Variants in STK3 observed in about 807,000 individuals in gnomAD.
The protein encoded by STK3 is serine/threonine-protein kinase 3.
A neutral mutation model predicts 58.0 loss-of-function variants in STK3; 41 were observed. That is an observed-to-expected ratio of 0.71 (90% confidence interval 0.55 to 0.92). The LOEUF is 0.92. Ranked by LOEUF, STK3 falls within the 40% of genes least tolerant of loss-of-function variation. The pLI, the probability that STK3 is intolerant of heterozygous loss-of-function variation, is 0.00. For missense variants in STK3, 479 were observed against 602.7 expected, an observed-to-expected ratio of 0.79 and a Z score of 2.15; for synonymous variants, 170 against 191.0, an observed-to-expected ratio of 0.89 and a Z score of 0.91.
At chr8:98,894,564 T>C (rs1485785453) in intron 1 of STK3, among the ~76,000 whole-genome samples, 1 of 152,226 alleles carries the variant, frequency 6.6e-6, no homozygotes, top group African/African-American at 2.4e-5. Context: ...ATTTATTGTT[T>C]TCTAGTATGC....
intron 6 of STK3, among the ~76,000 whole-genome samples, chr8:98,688,457 C>T (rs1210827974): frequency 6.6e-6 from 1 of 152,108 alleles, no homozygotes; most frequent in African/African-American, 2.4e-5. Flanking sequence ...TACCAAACAA[C>T]CACAGAATAT....
At chr8:98,614,869 C>A (rs1817543241) in intron 6 of STK3, among the ~76,000 whole-genome samples, 1 of 152,180 alleles carries the variant, frequency 6.6e-6, no homozygotes, top group Non-Finnish European at 1.5e-5. Flanking sequence ...TGCAAGGCGG[C>A]AGCTAGGCTG....
At chr8:98,646,508 G>A (rs1205142150) in intron 6 of STK3, among the ~76,000 whole-genome samples, 1 of 152,146 alleles carries the variant, frequency 6.6e-6, no homozygotes, top group African/African-American at 2.4e-5. Flanking sequence ...GTCTTCAGAT[G>A]TGACTTACTT....
chr8:98,614,797 T>C (rs1318227710), intron 6 of STK3, among the ~76,000 whole-genome samples: 2 of 152,002 alleles, frequency 1.3e-5, no homozygotes, highest in East Asian at 1.9e-4. Flanking sequence ...ACACCTGGCT[T>C]GGAGGGTCCT....
intron 10 of STK3, among the ~76,000 whole-genome samples, chr8:98,468,608 T>C (rs989763487): frequency 6.6e-6 from 1 of 152,230 alleles, no homozygotes; most frequent in Non-Finnish European, 1.5e-5. Context: ...ACAAATGCTA[T>C]GAATTTAAGG....
upstream of STK3, among the ~76,000 whole-genome samples, chr8:98,390,960 C>A (rs950286784): frequency 1.3e-5 from 2 of 152,132 alleles, no homozygotes; most frequent in African/African-American, 4.8e-5. Flanking sequence ...TTCACCCTTA[C>A]TTTTGGATTA....
chr8:98,699,968 G>A lies in STK3; in HGVS notation c.684+6499C>T, dbSNP rs1010473761. ...GTTTGTCTGTGCCCTGCCTCCAGAG[G>A]TGAAGCCTACAGAGGCAGGCAGGCC... On this transcript the variant is annotated intron_variant, in intron 6 of 10. Coordinates refer to ENST00000419617, the MANE Select transcript of STK3 (RefSeq NM_006281.4). Among the ~76,000 whole-genome samples, 3 of 152,348 alleles carry A rather than the reference G, an allele frequency of 2.0e-5. 1 individual carries two copies. The highest frequency in any genetic ancestry group is 2.0e-4 in the Admixed American group (3 of 15,300).
chr8:98,826,237 A>C (rs540688299), upstream of STK3, among the ~76,000 whole-genome samples: 1 of 152,274 alleles, frequency 6.6e-6, no homozygotes, highest in East Asian at 1.9e-4. Context: ...AATCCGTTTG[A>C]AGTATTACTT....
chr8:98,808,887 G>C (rs1834045021), intron 1 of STK3, among the ~76,000 whole-genome samples: 1 of 152,170 alleles, frequency 6.6e-6, no homozygotes, highest in African/African-American at 2.4e-5. Context: ...TCAATCATGT[G>C]ATTACATAGT....
rs1057087500 is a variant in STK3, at chr8:98,652,981, A to C, written c.684+53486T>G. ...TGAACTCAGCTCTGCACCAAGCGGA[A>C]CTAATAGACATCTACAGAACTCTCC... On this transcript the variant is annotated intron_variant, in intron 6 of 10. Transcript: ENST00000419617. Among the ~76,000 whole-genome samples, 41 of 152,140 alleles carry C rather than the reference A, an allele frequency of 2.7e-4. 1 individual carries two copies. The highest frequency in any genetic ancestry group is 7.4e-5 in the Non-Finnish European group (5 of 68,018).
At chr8:98,905,713 G>T in intron 1 of STK3, 1 of 620,042 alleles carries the variant, frequency 1.6e-6, no homozygotes, top group Admixed American at 2.4e-5. Flanking sequence ...GGTAGCTCCT[G>T]CGTCAGAGAG....
intron 3 of STK3, among the ~76,000 whole-genome samples, chr8:98,846,754 A>G (rs1836218304): frequency 6.6e-6 from 1 of 152,128 alleles, no homozygotes; most frequent in Non-Finnish European, 1.5e-5. Flanking sequence ...GGCATGTACC[A>G]TATGTCCACT....
At chr8:98,755,521 G>C (rs1193489758) in intron 3 of STK3, among the ~76,000 whole-genome samples, 1 of 152,196 alleles carries the variant, frequency 6.6e-6, no homozygotes, top group Non-Finnish European at 1.5e-5. Flanking sequence ...GGAAGGCACT[G>C]GAGTATGTGA....
chr8:98,402,674 T>G (rs6997978), intron 3 of STK3, among the ~76,000 whole-genome samples: 116,152 of 152,138 alleles, frequency 0.76, 45,220 homozygotes, highest in Non-Finnish European at 0.8. Flanking sequence ...TCCCAACTCC[T>G]GAGGGCCTCA....
At chr8:98,474,150 T>A (rs990224020) in intron 10 of STK3, among the ~76,000 whole-genome samples, 24 of 152,192 alleles carry the variant, frequency 1.6e-4, no homozygotes, top group African/African-American at 5.3e-4. Context: ...TACCAAGATA[T>A]GTCAAATCGA....
At position 98,505,104 on chromosome 8, in the gene STK3, T is replaced by G. The variant is rs189442775; in HGVS notation, c.1317+21638A>C. On this transcript the variant is annotated intron_variant, in intron 10 of 10. Transcript: ENST00000419617. The stretch of plus-strand genomic sequence containing the variant: ...TTGTTCATTTATTTTTACTCTTTTT[T>G]CTCTAACCTTGTCCTCTCACTTTAT... Among the ~76,000 whole-genome samples, 87 of 152,298 alleles carry G rather than the reference T, an allele frequency of 5.7e-4. No individual in the cohort carries two copies. In the East Asian group the frequency reaches 0.015, roughly 27 times the overall value.
chr8:98,741,199 T>C (rs574406069), intron 4 of STK3, among the ~76,000 whole-genome samples: 246 of 152,190 alleles, frequency 1.6e-3, no homozygotes, highest in African/African-American at 5.6e-3. Flanking sequence ...GACAGAAAGT[T>C]AACAAGGATA....
chr8:98,728,682 G>T (rs1452419768), intron 4 of STK3, among the ~76,000 whole-genome samples: 2 of 152,160 alleles, frequency 1.3e-5, no homozygotes, highest in African/African-American at 4.8e-5. Flanking sequence ...TGTAAATCCA[G>T]TATGAACCAG....
chr8:98,445,879 C>CAGT (rs1181518252), intron 1 of STK3, among the ~76,000 whole-genome samples: 2 of 152,120 alleles, frequency 1.3e-5, no homozygotes, highest in African/African-American at 4.8e-5. Context: ...CGAGTGTGAC[C>CAGT]AGTATCTAAA....
Sources: gnomAD v4.1 joint callset for allele counts (sites outside exome capture counted in the v4.1 genomes callset) on GRCh38, gnomAD v4.1.1 for gene constraint, MANE v1.5 for transcripts, NCBI Gene and HGNC (gene_info 2026-07-23, HGNC 2026-07-21) for gene names.